Variants in SUGCT observed in about 807,000 individuals in gnomAD.
SUGCT encodes succinyl-CoA:glutarate-CoA transferase.
Under a neutral mutation model 55.0 loss-of-function variants are expected in SUGCT, and 41 were observed. The observed-to-expected ratio is 0.74, with a 90% confidence interval of 0.58 to 0.97. The LOEUF (loss-of-function observed/expected upper bound fraction) is 0.97. SUGCT is among the 50% of genes least tolerant of loss of function. The pLI, the probability that SUGCT is intolerant of heterozygous loss-of-function variation, is 0.00. For missense variants in SUGCT, 568 were observed against 547.8 expected (o/e 1.04, Z -0.37); for synonymous variants, 187 against 200.4 (o/e 0.93, Z 0.56).
At chr7:40,408,103 A>G (rs1280573869) in intron 9 of SUGCT, among the ~76,000 whole-genome samples, 1 of 152,062 alleles carries the variant, frequency 6.6e-6, no homozygotes, top group Non-Finnish European at 1.5e-5. Context: ...AAAAGACAGT[A>G]TTGCTAGAGC....
intron 13 of SUGCT, among the ~76,000 whole-genome samples, chr7:40,793,794 C>A (rs531852548): frequency 6.6e-6 from 1 of 152,014 alleles, no homozygotes. Flanking sequence ...ATTACTTTAT[C>A]TTTCATGTCT....
intron 12 of SUGCT, among the ~76,000 whole-genome samples, chr7:40,563,332 A>T (rs1342944520): frequency 6.6e-6 from 1 of 152,154 alleles, no homozygotes; most frequent in Admixed American, 6.5e-5. Context: ...AATAGTTCAG[A>T]TACTGTCTGT....
the SUGCT span, among the ~76,000 whole-genome samples, chr7:40,955,848 A>T: frequency 6.6e-6 from 1 of 152,256 alleles, no homozygotes; most frequent in Admixed American, 6.5e-5. Flanking sequence ...AAGGGTGTTG[A>T]ATTTTATCAA....
At chr7:40,253,589 G>A (rs989610556) in intron 7 of SUGCT, among the ~76,000 whole-genome samples, 2 of 151,692 alleles carry the variant, frequency 1.3e-5, no homozygotes, top group African/African-American at 4.8e-5. Flanking sequence ...TTGAGGCGGA[G>A]CCTCGCTCTG....
the SUGCT span, among the ~76,000 whole-genome samples, chr7:40,942,195 A>G: frequency 6.6e-6 from 1 of 152,164 alleles, no homozygotes. Context: ...ATTCTAGTGC[A>G]TATGGACCTT....
At position 40,470,793 on chromosome 7, in the gene SUGCT, C is replaced by T. The variant is rs78011432; in HGVS notation, c.986+11595C>T. 7.2e-3 allele frequency among the ~76,000 whole-genome samples: 1,100 copies of T among 152,142 alleles called. 16 individuals are homozygous for T. The highest frequency in any genetic ancestry group is 0.026 in the African/African-American group (1,062 of 41,494). Reference sequence around the variant, plus strand: ...TCTCTCTCTCTCTGTCTTTCTCTCTCTGTCACACATACACAGAATCATATG... The same window carrying T: ...TCTCTCTCTCTCTGTCTTTCTCTCTTTGTCACACATACACAGAATCATATG... On this transcript the variant is annotated intron_variant, in intron 11 of 13. Transcript: ENST00000335693.
chr7:40,920,403 T>C, the SUGCT span, among the ~76,000 whole-genome samples: 1 of 152,164 alleles, frequency 6.6e-6, no homozygotes, highest in Non-Finnish European at 1.5e-5. Flanking sequence ...GAAAGTTCAA[T>C]ATCTGCTATC....
intron 9 of SUGCT, among the ~76,000 whole-genome samples, chr7:40,419,064 A>T (rs1319380805): frequency 6.6e-6 from 1 of 152,236 alleles, no homozygotes; most frequent in Non-Finnish European, 1.5e-5. Context: ...GCTATAAAGT[A>T]TGTTAAATGA....
At chr7:40,970,584 G>A in the SUGCT span, among the ~76,000 whole-genome samples, 2,179 of 152,286 alleles carry the variant, frequency 0.014, 47 homozygotes, top group African/African-American at 0.049. Context: ...TGTGGCTCCT[G>A]ACCTCATGTG....
chr7:40,561,279 G>C (rs1795822488), intron 12 of SUGCT, among the ~76,000 whole-genome samples: 1 of 152,150 alleles, frequency 6.6e-6, no homozygotes, highest in South Asian at 2.1e-4. Flanking sequence ...GCCTTTATTG[G>C]ATTTCTTCCT....
At chr7:40,863,677 C>T (rs1254034868), downstream of SUGCT, among the ~76,000 whole-genome samples, 1 of 152,120 alleles carries the variant, frequency 6.6e-6, no homozygotes, top group Non-Finnish European at 1.5e-5. Context: ...ATTTTCAAAC[C>T]CATTGCCCAA....
At chr7:40,481,410 T>TA in intron 11 of SUGCT, among the ~76,000 whole-genome samples, 1 of 151,328 alleles carries the variant, frequency 6.6e-6, no homozygotes, top group Non-Finnish European at 1.5e-5. Flanking sequence ...TATTATGAGA[T>TA]TATTATGTAT....
chr7:40,590,087 T>A (rs910428434), intron 12 of SUGCT, among the ~76,000 whole-genome samples: 3 of 152,182 alleles, frequency 2.0e-5, no homozygotes, highest in Non-Finnish European at 4.4e-5. Context: ...ATATCTGTTA[T>A]GGTGATTTGT....
At chr7:40,525,246 A>C (rs1167359375) in intron 12 of SUGCT, among the ~76,000 whole-genome samples, 1 of 152,190 alleles carries the variant, frequency 6.6e-6, no homozygotes, top group Non-Finnish European at 1.5e-5. Context: ...GGGATGAAGA[A>C]GAGTTACTGG....
chr7:40,201,709 A>G (rs1786612102), intron 6 of SUGCT, among the ~76,000 whole-genome samples: 1 of 152,220 alleles, frequency 6.6e-6, no homozygotes, highest in African/African-American at 2.4e-5. Context: ...CTGAGATTAT[A>G]TTTTGTCTGT....
chr7:40,887,955 C>T, the SUGCT span, among the ~76,000 whole-genome samples: 1 of 152,068 alleles, frequency 6.6e-6, no homozygotes. Flanking sequence ...CACTAAAGGG[C>T]TCACTATGGC....
intron 12 of SUGCT, among the ~76,000 whole-genome samples, chr7:40,591,511 A>G (rs1282023290): frequency 1.3e-4 from 20 of 152,260 alleles, no homozygotes; most frequent in Non-Finnish European, 2.8e-4. Context: ...AATTTAGTTA[A>G]TAGAGCAGTG....
intron 9 of SUGCT, among the ~76,000 whole-genome samples, chr7:40,317,143 T>C (rs1459053317): frequency 6.1e-5 from 2 of 33,010 alleles, no homozygotes; most frequent in Non-Finnish European, 2.5e-4. Flanking sequence ...TTTTTTTTTT[T>C]CCCACCTAAA....
At chr7:40,214,207 G>A (rs770269763) in intron 6 of SUGCT, among the ~76,000 whole-genome samples, 17 of 152,072 alleles carry the variant, frequency 1.1e-4, no homozygotes, top group Non-Finnish European at 2.4e-4. Context: ...TCTTATAACC[G>A]TTGCCCTGCC....
Sources: allele counts gnomAD v4.1 joint callset (sites outside exome capture counted in the v4.1 genomes callset), GRCh38; gene constraint gnomAD v4.1.1; transcripts MANE v1.5; gene names NCBI Gene and HGNC (gene_info 2026-07-23, HGNC 2026-07-21).